The following SYK variants were observed in gnomAD, a reference collection of about 807,000 sequenced individuals.
SYK encodes tyrosine-protein kinase SYK.
A neutral mutation model predicts 77.8 loss-of-function variants in SYK; 16 were observed. The ratio of observed to expected loss-of-function variants is 0.21; its 90% CI spans 0.14 to 0.31. The LOEUF (loss-of-function observed/expected upper bound fraction) is 0.31. Ranked by LOEUF, SYK falls within the 10% of genes least tolerant of loss-of-function variation. SYK has a pLI of 1.00. For synonymous variants in SYK, 312 were observed against 308.7 expected (o/e 1.01, Z -0.11); for missense variants, 529 against 814.4 (o/e 0.65, Z 4.26).
chr9:90,842,433 G>A (rs369839560), intron 1 of SYK, among the ~76,000 whole-genome samples: 129 of 150,822 alleles, frequency 8.6e-4, no homozygotes, highest in African/African-American at 2.8e-3. Context: ...TGTATGTAAC[G>A]TAGAATTTGG....
chr9:90,845,055 C>A (rs1020164943), intron 2 of SYK, among the ~76,000 whole-genome samples: 1 of 152,174 alleles, frequency 6.6e-6, no homozygotes, highest in Non-Finnish European at 1.5e-5. Context: ...ACTGCCTCAG[C>A]CTCCCAAGTA....
rs1426359821 is a variant in SYK, at chr9:90,898,068, C to T, written c.*2468C>T. The T allele has an allele frequency of 5.7e-5, 13 of 228,026 alleles. No individual in the cohort carries two copies. In the Admixed American group the frequency reaches 6.2e-4, roughly 11 times the overall value. The allele number at this position is 228,026 out of a possible 1,614,324, so 14.1% of individuals were successfully genotyped here. ...TGGATTGTTCTACCCAAGCTTTTCC[C>T]TGGGGTCTGGGCTCACTCCATAAGG... On this transcript the variant is annotated 3_prime_UTR_variant, in exon 14 of 14. Transcript: ENST00000375754.
At chr9:90,880,350 G>A (rs893587739) in intron 11 of SYK, among the ~76,000 whole-genome samples, 1 of 152,216 alleles carries the variant, frequency 6.6e-6, no homozygotes, top group African/African-American at 2.4e-5. Flanking sequence ...CGAGAGTACA[G>A]CAGGGGTCAG....
rs1827834328 is a variant in SYK, at chr9:90,874,012, C to G, written c.916-192C>G. Among the ~76,000 whole-genome samples the G allele has an allele frequency of 4.6e-5, 7 of 152,228 alleles. 1 individual carries two copies. The South Asian group carries it at 1.2e-3, about 27-fold the overall frequency. ...TGTAGCAGCACAAGCTTGCTTTAGC[C>G]CTTGCAAGATCCAAATAATTGCCCG... On this transcript the variant is annotated intron_variant, in intron 7 of 13. Coordinates refer to ENST00000375754, the MANE Select transcript of SYK (RefSeq NM_003177.7).
intron 6 of SYK, among the ~76,000 whole-genome samples, chr9:90,866,053 A>C (rs541610749): frequency 1.3e-3 from 190 of 151,700 alleles, no homozygotes; most frequent in African/African-American, 4.2e-3. Context: ...CGCCCGCCAC[A>C]ACACCCGGCT....
At chr9:90,850,770 TAAA>T (rs556936977) in intron 3 of SYK, among the ~76,000 whole-genome samples, 5 of 129,384 alleles carry the variant, frequency 3.9e-5, no homozygotes, top group Admixed American at 7.6e-5. Context: ...GACTAAAAGG[TAAA>T]AAAAAAAAAA....
intron 1 of SYK, among the ~76,000 whole-genome samples, chr9:90,808,423 G>C (rs144131478): frequency 1.1e-4 from 16 of 150,418 alleles, no homozygotes; most frequent in African/African-American, 3.9e-4. Context: ...CCTGCTGTCA[G>C]CTTTCCTGAT....
In SYK at chr9:90,877,697, C is replaced by T. The variant is rs201416422; in HGVS notation, c.1308C>T (p.Ile436=). Residue 436 remains isoleucine (I), a synonymous_variant, in exon 10 of 14, where the codon ATC becomes ATT. Coordinates refer to ENST00000375754, the MANE Select transcript of SYK (RefSeq NM_003177.7). The part of the protein sequence containing the change: ...QLDNPYIVRM[I]GICEAESWML... The stretch of plus-strand genomic sequence containing the variant: ...ACAACCCGTACATCGTGCGGATGAT[C>T]GGGATATGCGAGGCCGAGTCCTGGA... 51 of 1,614,076 alleles carry T rather than the reference C, an allele frequency of 3.2e-5. No individual in the cohort carries two copies. The Admixed American group carries it at 4.5e-4, about 14-fold the overall frequency.
chr9:90,811,286 G>GT (rs550588559), intron 1 of SYK, among the ~76,000 whole-genome samples: 303 of 152,264 alleles, frequency 2.0e-3, no homozygotes, highest in Middle Eastern at 3.4e-3. Context: ...TATGCAGCGA[G>GT]TTTTTTCAAA....
In SYK at chr9:90,897,171, C is replaced by T. The variant is rs199783989; in HGVS notation, c.*1571C>T. 4.3e-6 allele frequency: 1 copy of T among 231,388 alleles called. No homozygotes were observed. The highest frequency in any genetic ancestry group is 8.6e-6 in the Non-Finnish European group (1 of 116,924). The allele number at this position is 231,388 out of a possible 1,614,324, so 14.3% of individuals were successfully genotyped here. On this transcript the variant is annotated 3_prime_UTR_variant, in exon 14 of 14. Coordinates refer to ENST00000375754, the MANE Select transcript of SYK (RefSeq NM_003177.7). ...TGGACAGCCATGGACAGCAGGCCCT[C>T]CTCTAACAGGGGATGCAAGGCATGG... is the stretch of plus-strand genomic sequence containing the variant.
chr9:90,831,164 A>C (rs1035825789), intron 1 of SYK, among the ~76,000 whole-genome samples: 1 of 152,170 alleles, frequency 6.6e-6, no homozygotes, highest in Non-Finnish European at 1.5e-5. Flanking sequence ...GTATGATAGG[A>C]GGGCTCTAAT....
chr9:90,874,907 C>A, intron 9 of SYK, 58 bp downstream of exon 9: 2 of 1,574,534 alleles, frequency 1.3e-6, no homozygotes, highest in South Asian at 2.3e-5. Context: ...CTAGACATGA[C>A]TGAGAATAAC....
intron 1 of SYK, among the ~76,000 whole-genome samples, chr9:90,832,371 T>C (rs1216227261): frequency 6.6e-6 from 1 of 152,266 alleles, no homozygotes; most frequent in Non-Finnish European, 1.5e-5. Flanking sequence ...AATAAATTAA[T>C]CAGAACTTTG....
chr9:90,851,553 C>T (rs1334678708), intron 3 of SYK, among the ~76,000 whole-genome samples: 2 of 152,066 alleles, frequency 1.3e-5, no homozygotes, highest in Non-Finnish European at 2.9e-5. Context: ...TGGCCAGAAG[C>T]GAGCACTGGA....
rs192822491 is a variant in SYK, at chr9:90,896,305, G to T, written c.*705G>T. The T allele has an allele frequency of 4.3e-6, 1 of 233,290 alleles. No homozygotes were observed. Among genetic ancestry groups the T allele is most frequent in the Admixed American group, 5.6e-5 (1 of 17,804 alleles). The allele number at this position is 233,290 out of a possible 1,614,324, so 14.5% of individuals were successfully genotyped here. ...GGGACCATGAGAATGAATTGGCTTGGCTTACTTTCCCCCTGAAATCCTCTC... is the reference window on the plus strand; with the variant it reads ...GGGACCATGAGAATGAATTGGCTTGTCTTACTTTCCCCCTGAAATCCTCTC... On this transcript the variant is annotated 3_prime_UTR_variant, in exon 14 of 14. Transcript: ENST00000375754.
intron 3 of SYK, among the ~76,000 whole-genome samples, chr9:90,852,008 T>G (rs1345575778): frequency 6.6e-6 from 1 of 152,238 alleles, no homozygotes; most frequent in Admixed American, 6.5e-5. Context: ...TTTAATTAAC[T>G]GCCTGACACG....
At chr9:90,836,711 T>A (rs1826099453) in intron 1 of SYK, among the ~76,000 whole-genome samples, 1 of 152,236 alleles carries the variant, frequency 6.6e-6, no homozygotes, top group Non-Finnish European at 1.5e-5. Flanking sequence ...CAAGTATTTT[T>A]CATAATGTTT....
intron 3 of SYK, among the ~76,000 whole-genome samples, chr9:90,861,238 G>A (rs879726780): frequency 2.0e-5 from 3 of 152,102 alleles, no homozygotes; most frequent in Non-Finnish European, 4.4e-5. Context: ...AGCCTTACGT[G>A]GCATGCACTG....
chr9:90,851,434 G>A (rs993154789), intron 3 of SYK, among the ~76,000 whole-genome samples: 2 of 152,146 alleles, frequency 1.3e-5, no homozygotes, highest in Non-Finnish European at 2.9e-5. Context: ...GGAGGGGCTG[G>A]GCAGTGTGGG....
Sources: allele counts gnomAD v4.1 joint callset (sites outside exome capture counted in the v4.1 genomes callset), GRCh38; gene constraint gnomAD v4.1.1; transcripts MANE v1.5; gene names NCBI Gene and HGNC (gene_info 2026-07-23, HGNC 2026-07-21).